Variants in CAMK1D observed in about 807,000 individuals in gnomAD.
The protein encoded by CAMK1D is calcium/calmodulin dependent protein kinase ID.
In CAMK1D, 9 loss-of-function variants were observed where a neutral mutation model predicts 47.7. The observed-to-expected ratio is 0.19, with a 90% CI of 0.11 to 0.33. The LOEUF is 0.33. CAMK1D is among the 10% of genes least tolerant of loss of function. CAMK1D has a pLI of 1.00. For missense variants in CAMK1D, 291 were observed against 488.7 expected (o/e 0.60, Z 3.81); for synonymous variants, 184 against 184.9 (o/e 0.99, Z 0.04).
chr10:12,358,793 G>A (rs1304094542), intron 1 of CAMK1D, among the ~76,000 whole-genome samples: 1 of 152,132 alleles, frequency 6.6e-6, no homozygotes, highest in Non-Finnish European at 1.5e-5. Context: ...GAGGTACCTG[G>A]CACATAACTG....
chr10:12,515,402 C>CTTTTTTTTTTTTTTTT (rs772694725), intron 1 of CAMK1D, among the ~76,000 whole-genome samples: 2 of 102,028 alleles, frequency 2.0e-5, no homozygotes, highest in African/African-American at 3.8e-5. Flanking sequence ...TTTTCCTTTT[C>CTTTTTTTTTTTTTTTT]TTTTTTTTTT....
intron 3 of CAMK1D, among the ~76,000 whole-genome samples, chr10:12,753,801 C>A (rs1354499586): frequency 6.6e-6 from 1 of 152,252 alleles, no homozygotes; most frequent in Non-Finnish European, 1.5e-5. Flanking sequence ...TTCACTGGTT[C>A]CCCTTTTTCA....
At chr10:12,426,837 C>G (rs1489214058) in intron 1 of CAMK1D, among the ~76,000 whole-genome samples, 1 of 152,194 alleles carries the variant, frequency 6.6e-6, no homozygotes, top group Non-Finnish European at 1.5e-5. Context: ...GCCTCTGCCT[C>G]TTGAGTAGCT....
intron 1 of CAMK1D, among the ~76,000 whole-genome samples, chr10:12,355,500 G>C (rs533215092): frequency 7.0e-6 from 1 of 143,370 alleles, no homozygotes; most frequent in South Asian, 2.4e-4. Context: ...GTGTATGTGT[G>C]TGTGGTGGGG....
intron 2 of CAMK1D, among the ~76,000 whole-genome samples, chr10:12,655,412 CTA>C (rs1035523943): frequency 2.0e-5 from 3 of 152,286 alleles, no homozygotes; most frequent in African/African-American, 7.2e-5. Context: ...GCAAGAAAAA[CTA>C]TCCAAACTGT....
At chr10:12,645,640 C>T (rs1163764355) in intron 2 of CAMK1D, among the ~76,000 whole-genome samples, 1 of 152,138 alleles carries the variant, frequency 6.6e-6, no homozygotes, top group Non-Finnish European at 1.5e-5. Flanking sequence ...AAGGCTGGCA[C>T]CAAGTGCTCT....
chr10:12,598,290 C>T (rs974788547), intron 2 of CAMK1D, among the ~76,000 whole-genome samples: 2 of 152,178 alleles, frequency 1.3e-5, no homozygotes, highest in South Asian at 2.1e-4. Flanking sequence ...CTGCTCAGAG[C>T]GTGCGATTAG....
chr10:12,584,449 T>G (rs1181126035), intron 2 of CAMK1D, among the ~76,000 whole-genome samples: 1 of 152,184 alleles, frequency 6.6e-6, no homozygotes, highest in African/African-American at 2.4e-5. Context: ...CTGTGCATAT[T>G]TTTTCTCAGA....
chr10:12,801,354 T>TATCTTATCTGTCTATC (rs57429397), intron 6 of CAMK1D, among the ~76,000 whole-genome samples: 1 of 66,490 alleles, frequency 1.5e-5, no homozygotes, highest in Non-Finnish European at 3.1e-5. Flanking sequence ...TCTATCTATC[T>TATCTTATCTGTCTATC]TATCTATCTA....
At chr10:12,765,144 C>T (rs1031473548) in intron 4 of CAMK1D, among the ~76,000 whole-genome samples, 5 of 152,164 alleles carry the variant, frequency 3.3e-5, no homozygotes, top group Admixed American at 1.3e-4. Flanking sequence ...TGATTTTCTT[C>T]TAATCTCCTG....
intron 6 of CAMK1D, among the ~76,000 whole-genome samples, chr10:12,806,204 A>G (rs911730089): frequency 6.6e-6 from 1 of 152,108 alleles, no homozygotes; most frequent in African/African-American, 2.4e-5. Context: ...TATTTTTTAC[A>G]CTTCCTGTTT....
In CAMK1D at chr10:12,491,470, A is replaced by G. The variant is rs116169780; in HGVS notation, c.93-61755A>G. Among the ~76,000 whole-genome samples the G allele has an allele frequency of 3.5e-3, 525 of 152,048 alleles. 6 individuals are homozygous for G. The highest frequency in any genetic ancestry group is 0.012 in the African/African-American group (509 of 41,454). On this transcript the variant is annotated intron_variant, in intron 1 of 10. Coordinates refer to ENST00000619168, the MANE Select transcript of CAMK1D (RefSeq NM_153498.4). ...AGGTGATACAAAAATAAGGAAATGTATATATATTTTTTTGTTGTGAGGGGG... is the reference window on the plus strand; with the variant it reads ...AGGTGATACAAAAATAAGGAAATGTGTATATATTTTTTTGTTGTGAGGGGG...
At chr10:12,496,765 A>C (rs750380703) in intron 1 of CAMK1D, among the ~76,000 whole-genome samples, 44 of 152,196 alleles carry the variant, frequency 2.9e-4, no homozygotes, top group Non-Finnish European at 5.9e-4. Context: ...GTCCATGTGC[A>C]GGATGTGCAG....
At chr10:12,802,009 T>C (rs1838503832) in intron 6 of CAMK1D, among the ~76,000 whole-genome samples, 2 of 152,088 alleles carry the variant, frequency 1.3e-5, no homozygotes, top group South Asian at 4.1e-4. Context: ...CTTGAAAAAA[T>C]CACTTCTATT....
At chr10:12,653,550 G>A (rs1473534831) in intron 2 of CAMK1D, among the ~76,000 whole-genome samples, 2 of 152,118 alleles carry the variant, frequency 1.3e-5, no homozygotes, top group Non-Finnish European at 1.5e-5. Flanking sequence ...ATGTGACAAC[G>A]TTAATTACTG....
At chr10:12,729,402 A>G (rs1218588827) in intron 3 of CAMK1D, among the ~76,000 whole-genome samples, 2 of 152,194 alleles carry the variant, frequency 1.3e-5, no homozygotes, top group Non-Finnish European at 2.9e-5. Context: ...TTGGGAGGCC[A>G]AGGTGGGAGG....
chr10:12,657,280 C>G (rs1292225775), intron 2 of CAMK1D, among the ~76,000 whole-genome samples: 1 of 152,014 alleles, frequency 6.6e-6, no homozygotes, highest in Admixed American at 6.5e-5. Flanking sequence ...CAAAAATTAG[C>G]TGAGTGTGGT....
intron 1 of CAMK1D, among the ~76,000 whole-genome samples, chr10:12,376,188 GAATAAA>G (rs1012082952): frequency 1.9e-5 from 2 of 103,696 alleles, no homozygotes; most frequent in South Asian, 3.3e-4. Context: ...AAAAAAAAAA[GAATAAA>G]AAGAATAAGA....
intron 2 of CAMK1D, among the ~76,000 whole-genome samples, chr10:12,623,431 C>CTCTCCCTCCCTCCTT: frequency 3.8e-5 from 1 of 26,414 alleles, no homozygotes; most frequent in Non-Finnish European, 8.0e-5. Context: ...CTTCCTCCCT[C>CTCTCCCTCCCTCCTT]CCTCCCTTCT....
Sources: gnomAD v4.1 joint callset for allele counts (sites outside exome capture counted in the v4.1 genomes callset) on GRCh38, gnomAD v4.1.1 for gene constraint, MANE v1.5 for transcripts, NCBI Gene and HGNC (gene_info 2026-07-23, HGNC 2026-07-21) for gene names.